Variants in PLCB4 observed in about 807,000 individuals in gnomAD.
PLCB4 encodes 1-phosphatidylinositol 4,5-bisphosphate phosphodiesterase beta-4.
In PLCB4, 77 loss-of-function variants were observed where a neutral mutation model predicts 178.8. The observed-to-expected ratio is 0.43, with a 90% confidence interval of 0.36 to 0.52. PLCB4 has a LOEUF of 0.52. Among genes scored for constraint, PLCB4 ranks in the 20% least tolerant of loss-of-function variants. The pLI, the probability that PLCB4 is intolerant of heterozygous loss-of-function variation, is 0.00. For missense variants in PLCB4, 1,024 were observed against 1,453.4 expected, an observed-to-expected ratio of 0.70 and a Z score of 4.80; for synonymous variants, 496 against 490.8, an observed-to-expected ratio of 1.01 and a Z score of -0.14.
chr20:9,394,458 T>C (rs909044328), intron 18 of PLCB4, among the ~76,000 whole-genome samples: 1 of 152,050 alleles, frequency 6.6e-6, no homozygotes, highest in Non-Finnish European at 1.5e-5. Context: ...ATGACTGAGA[T>C]CATATTAATG....
chr20:9,370,410 G>T (rs539801415), intron 9 of PLCB4, among the ~76,000 whole-genome samples: 23 of 152,096 alleles, frequency 1.5e-4, no homozygotes, highest in African/African-American at 5.1e-4. Context: ...GATCACGCCC[G>T]TGTCAACTGT....
intron 3 of PLCB4, among the ~76,000 whole-genome samples, chr20:9,306,769 A>C (rs75497083): frequency 1.4e-4 from 21 of 152,302 alleles, no homozygotes; most frequent in East Asian, 5.8e-4. Flanking sequence ...ACCATGGTGC[A>C]TGTTGCCAAC....
chr20:9,386,803 TC>T (rs1170824811), intron 14 of PLCB4, among the ~76,000 whole-genome samples: 1 of 84,236 alleles, frequency 1.2e-5, no homozygotes, highest in African/African-American at 4.7e-5. Context: ...ATGCTATCCC[TC>T]CCCCCTCCCC....
intron 2 of PLCB4, among the ~76,000 whole-genome samples, chr20:9,101,186 G>A (rs749031711): frequency 2.2e-4 from 34 of 152,152 alleles, no homozygotes; most frequent in Non-Finnish European, 5.9e-5. Context: ...GCCTCCATTT[G>A]TATGTAGGTG....
intron 25 of PLCB4, among the ~76,000 whole-genome samples, chr20:9,418,471 C>T (rs1302656604): frequency 6.6e-6 from 1 of 152,088 alleles, no homozygotes; most frequent in Non-Finnish European, 1.5e-5. Flanking sequence ...AATCAATTGG[C>T]CATAGATAAC....
intron 3 of PLCB4, among the ~76,000 whole-genome samples, chr20:9,281,975 T>C (rs1247771177): frequency 6.6e-6 from 1 of 152,130 alleles, no homozygotes; most frequent in East Asian, 1.9e-4. Context: ...GATCCTGCTA[T>C]AAAATGCTAT....
intron 2 of PLCB4, among the ~76,000 whole-genome samples, chr20:9,175,948 C>G (rs1477910807): frequency 6.6e-6 from 1 of 152,122 alleles, no homozygotes; most frequent in African/African-American, 2.4e-5. Flanking sequence ...TGTACACCAC[C>G]ACCACAATCA....
At chr20:9,134,891 G>C (rs1319649364) in intron 2 of PLCB4, among the ~76,000 whole-genome samples, 1 of 152,094 alleles carries the variant, frequency 6.6e-6, no homozygotes, top group Non-Finnish European at 1.5e-5. Flanking sequence ...TTCATTCCAT[G>C]ACACTGTATG....
At chr20:9,276,619 C>G (rs2094452712) in intron 3 of PLCB4, among the ~76,000 whole-genome samples, 1 of 152,058 alleles carries the variant, frequency 6.6e-6, no homozygotes, top group Non-Finnish European at 1.5e-5. Context: ...ATGGCTTGTT[C>G]TGTGCCATTC....
chr20:9,443,910 A>G, intron 30 of PLCB4, 71 bp from the exon 31 acceptor site: 1 of 837,114 alleles, frequency 1.2e-6, no homozygotes, highest in Non-Finnish European at 2.0e-6. Flanking sequence ...TCGATATGTC[A>G]GTTCTATATT....
At chr20:9,319,511 G>A (rs773333684) in intron 4 of PLCB4, among the ~76,000 whole-genome samples, 9 of 152,150 alleles carry the variant, frequency 5.9e-5, no homozygotes, top group Non-Finnish European at 1.2e-4. Context: ...TATATCGTCT[G>A]TCTATAAGCT....
chr20:9,206,299 C>CTTT (rs71184138), intron 2 of PLCB4, among the ~76,000 whole-genome samples: 4 of 96,098 alleles, frequency 4.2e-5, no homozygotes, highest in South Asian at 3.9e-4. Context: ...TTTCTTTTTT[C>CTTT]TTTTTTTTTT....
intron 3 of PLCB4, among the ~76,000 whole-genome samples, chr20:9,296,224 C>A (rs150391080): frequency 4.6e-5 from 7 of 151,952 alleles, no homozygotes; most frequent in African/African-American, 9.7e-5. Flanking sequence ...TCTCAAAAGA[C>A]GACATTTATG....
intron 2 of PLCB4, among the ~76,000 whole-genome samples, chr20:9,214,897 CA>C (rs1181554746): frequency 6.6e-6 from 1 of 152,084 alleles, no homozygotes; most frequent in Non-Finnish European, 1.5e-5. Flanking sequence ...GTTTATGGAA[CA>C]ATGAGGCAGT....
rs572850254 is a variant in PLCB4, at chr20:9,476,749, G to T, written c.3528G>T (p.Thr1176=). 11 of 1,607,114 alleles carry T rather than the reference G, an allele frequency of 6.8e-6. No homozygotes were observed. Among genetic ancestry groups the T allele is most frequent in the African/African-American group, 2.7e-5 (2 of 74,876 alleles). ...AATCCTGTCATGCAGTGTCCCAAAC[G>T]CAAGGTAGGACCGAAACTCTGATAA... ...LLKSCHAVSQ[T]QGEGDAADGE... is the part of the protein sequence containing the mutation. The change falls in exon 39 of 40, where the codon ACG becomes ACT. Residue 1176 remains threonine (T), a synonymous_variant. Coordinates refer to ENST00000378473, the MANE Select transcript of PLCB4 (RefSeq NM_001377142.1).
At chr20:9,381,148 C>T (rs967046543) in intron 13 of PLCB4, among the ~76,000 whole-genome samples, 1 of 152,198 alleles carries the variant, frequency 6.6e-6, no homozygotes, top group African/African-American at 2.4e-5. Context: ...TGCTTCATTC[C>T]TTCCCTCTCT....
chr20:9,154,004 A>G (rs1429007783), intron 2 of PLCB4, among the ~76,000 whole-genome samples: 7 of 152,196 alleles, frequency 4.6e-5, no homozygotes, highest in Non-Finnish European at 8.8e-5. Context: ...ACTGATGAGA[A>G]GTTAGGAAGC....
At chr20:9,306,152 T>C (rs1037226244) in intron 3 of PLCB4, among the ~76,000 whole-genome samples, 3 of 152,210 alleles carry the variant, frequency 2.0e-5, no homozygotes, top group Non-Finnish European at 4.4e-5. Flanking sequence ...TCACCCAGGC[T>C]GGAGTGCAGT....
intron 2 of PLCB4, among the ~76,000 whole-genome samples, chr20:9,214,767 G>T (rs2093711146): frequency 6.6e-6 from 1 of 152,136 alleles, no homozygotes; most frequent in Non-Finnish European, 1.5e-5. Flanking sequence ...GCTATGATAT[G>T]CCAGTAGCTA....
Sources: gnomAD v4.1 joint callset for allele counts (sites outside exome capture counted in the v4.1 genomes callset) on GRCh38, gnomAD v4.1.1 for gene constraint, MANE v1.5 for transcripts, NCBI Gene and HGNC (gene_info 2026-07-23, HGNC 2026-07-21) for gene names.